Variants in URI1 observed in about 807,000 individuals in gnomAD.
URI1 encodes the protein URI1 prefoldin like chaperone.
URI1 carries 39 observed loss-of-function variants against 60.2 expected under a neutral mutation model. The observed-to-expected ratio is 0.65, with a 90% CI of 0.50 to 0.85. The LOEUF (loss-of-function observed/expected upper bound fraction) is 0.85. Among genes scored for constraint, URI1 ranks in the 40% least tolerant of loss-of-function variants. The pLI is 0.00. For missense variants in URI1, 691 were observed against 665.9 expected (o/e 1.04, Z -0.42); for synonymous variants, 251 against 236.8 (o/e 1.06, Z -0.55).
intron 1 of URI1, among the ~76,000 whole-genome samples, chr19:29,961,268 A>G (rs1041552762): frequency 1.4e-5 from 2 of 145,316 alleles, no homozygotes; most frequent in Non-Finnish European, 3.0e-5. Context: ...TTTTTTTTTA[A>G]ATCTTGCAAA....
chr19:29,974,760 C>T (rs1417275238), intron 2 of URI1, among the ~76,000 whole-genome samples: 2 of 152,072 alleles, frequency 1.3e-5, no homozygotes, highest in Non-Finnish European at 2.9e-5. Flanking sequence ...TCTTGTATTC[C>T]CCAGTGTTTA....
chr19:29,942,766 C>T (rs974113829), intron 1 of URI1, 102 bp downstream of exon 1: 6 of 1,206,174 alleles, frequency 5.0e-6, no homozygotes, highest in Admixed American at 8.8e-5. Flanking sequence ...CTGCCCGGGC[C>T]CCCGGAGGGA....
rs749238754 is a variant in URI1, at chr19:30,009,009, C to T, written c.691C>T (p.Pro231Ser). The T allele has an allele frequency of 1.2e-6, 2 of 1,605,976 alleles. No individual in the cohort carries two copies. The highest frequency in any genetic ancestry group is 1.7e-6 in the Non-Finnish European group (2 of 1,175,092). Reference sequence around the variant, plus strand: ...GTTAATTTTCTTCCTTGCTAGTAAGCCTGATACTGTGATTGCAAATGGAGA... The same window carrying T: ...GTTAATTTTCTTCCTTGCTAGTAAGTCTGATACTGTGATTGCAAATGGAGA... ...EELLGELDSK[P>S]DTVIANGEDT... Residue 231 changes from proline (P) to serine (S), a missense_variant, in exon 8 of 11, where the codon CCT (proline) becomes TCT (serine). By Grantham distance (74) the Pro-to-Ser change is moderately conservative (BLOSUM62 -1). Transcript: ENST00000392271.
chr19:29,935,073 T>C (rs930087546), intron 1 of URI1, among the ~76,000 whole-genome samples: 3 of 152,208 alleles, frequency 2.0e-5, no homozygotes, highest in African/African-American at 7.2e-5. Flanking sequence ...TTTCTGTACA[T>C]TTTTTAAATT....
chr19:29,958,749 C>T (rs2055283156), intron 1 of URI1, among the ~76,000 whole-genome samples: 1 of 151,798 alleles, frequency 6.6e-6, no homozygotes, highest in African/African-American at 2.4e-5. Flanking sequence ...CACGTGAGGT[C>T]AGGGGTTTGA....
At chr19:29,925,453 C>G (rs979271545) in intron 1 of URI1, 1 of 152,218 alleles carries the variant, frequency 6.6e-6, no homozygotes, top group Admixed American at 6.6e-5. Context: ...TTGGCTGAGT[C>G]CCGCGGCATT....
At position 30,015,769 on chromosome 19, in the gene URI1, T is replaced by C; in HGVS notation, c.*700T>C. On this transcript the variant is annotated 3_prime_UTR_variant, in exon 11 of 11. Transcript: ENST00000392271. ...ATATGTCCTTGATTCATATGTATGC[T>C]ACATGTATCACACAACAGATCTGGA... 1.8e-6 allele frequency: 1 copy of C among 553,840 alleles called. No individual in the cohort carries two copies. The highest frequency in any genetic ancestry group is 3.1e-6 in the Non-Finnish European group (1 of 318,896). The allele number at this position is 553,840 out of a possible 1,614,324, so 34.3% of individuals were successfully genotyped here.
At chr19:30,010,936 T>C (rs1027692830) in intron 8 of URI1, among the ~76,000 whole-genome samples, 158 bp from the exon 9 acceptor site, 4 of 152,182 alleles carry the variant, frequency 2.6e-5, no homozygotes, top group African/African-American at 9.6e-5. Flanking sequence ...ATAAGGACTT[T>C]TTAAAAAATT....
chr19:29,997,545 A>G (rs538572219), intron 4 of URI1, among the ~76,000 whole-genome samples: 71 of 151,982 alleles, frequency 4.7e-4, no homozygotes, highest in Non-Finnish European at 9.1e-4. Context: ...TTTGTTTATC[A>G]TTCTCTAATC....
intron 2 of URI1, among the ~76,000 whole-genome samples, chr19:29,981,502 TA>T (rs2055597185): frequency 6.6e-6 from 1 of 152,106 alleles, no homozygotes; most frequent in African/African-American, 2.4e-5. Flanking sequence ...TTAATTTCCT[TA>T]AAACAAAAGG....
At chr19:29,951,627 A>G (rs1599667002) in intron 1 of URI1, among the ~76,000 whole-genome samples, 1 of 150,626 alleles carries the variant, frequency 6.6e-6, no homozygotes, top group Admixed American at 6.6e-5. Context: ...GCTCACTGCA[A>G]CCTCCGCCTC....
intron 1 of URI1, among the ~76,000 whole-genome samples, chr19:29,966,234 C>T (rs1599682002): frequency 2.0e-5 from 3 of 151,348 alleles, no homozygotes; most frequent in East Asian, 3.9e-4. Flanking sequence ...GCAACCTCCA[C>T]CTCCTTGGTT....
chr19:29,996,881 T>G (rs2055819566), intron 4 of URI1, among the ~76,000 whole-genome samples: 1 of 152,166 alleles, frequency 6.6e-6, no homozygotes, highest in Non-Finnish European at 1.5e-5. Flanking sequence ...TTTTTCCTCT[T>G]CATTCTGCTA....
At chr19:29,965,321 C>G (rs185936660) in intron 1 of URI1, among the ~76,000 whole-genome samples, 6 of 152,130 alleles carry the variant, frequency 3.9e-5, no homozygotes, top group African/African-American at 1.2e-4. Flanking sequence ...AGGGTTTCTA[C>G]GAGGAAGGCA....
At chr19:30,011,380 T>C (rs2056017071) in intron 9 of URI1, 144 bp downstream of exon 9, 1 of 1,091,610 alleles carries the variant, frequency 9.2e-7, no homozygotes, top group Non-Finnish European at 1.2e-6. Flanking sequence ...TAGGATCTGA[T>C]AGGCTGACCG....
chr19:29,924,069 G>A (rs890361768), intron 1 of URI1, among the ~76,000 whole-genome samples: 1 of 152,138 alleles, frequency 6.6e-6, no homozygotes, highest in Non-Finnish European at 1.5e-5. Context: ...GATGTCCCAG[G>A]TCCAGAAGAG....
chr19:29,942,202 T>TGC (rs1568406388), upstream of URI1: 5 of 983,776 alleles, frequency 5.1e-6, no homozygotes, highest in Non-Finnish European at 6.0e-6. Context: ...GGGCGGGGCC[T>TGC]GCGCGCTTGC....
At chr19:29,992,244 A>C (rs2055755884) in intron 4 of URI1, among the ~76,000 whole-genome samples, 1 of 151,984 alleles carries the variant, frequency 6.6e-6, no homozygotes, top group South Asian at 2.1e-4. Context: ...TAATCTTTGT[A>C]TTTTTTATAG....
chr19:29,950,910 C>T (rs748093507), intron 1 of URI1, among the ~76,000 whole-genome samples: 6 of 152,150 alleles, frequency 3.9e-5, no homozygotes, highest in African/African-American at 7.2e-5. Context: ...TCTTGTAGAA[C>T]GTCCCACAAT....
Sources: gnomAD v4.1 joint callset for allele counts (sites outside exome capture counted in the v4.1 genomes callset) on GRCh38, gnomAD v4.1.1 for gene constraint, MANE v1.5 for transcripts, NCBI Gene and HGNC (gene_info 2026-07-23, HGNC 2026-07-21) for gene names.